NCOR1: variants seen among roughly 807,000 people sequenced by gnomAD.
The protein encoded by NCOR1 is nuclear receptor corepressor 1.
NCOR1 carries 63 observed loss-of-function variants against 288.1 expected under a neutral mutation model. That is an observed-to-expected ratio of 0.22 (90% confidence interval 0.18 to 0.27). The LOEUF (loss-of-function observed/expected upper bound fraction) is 0.27. Ranked by LOEUF, NCOR1 falls within the 10% of genes least tolerant of loss-of-function variation. NCOR1 has a pLI of 1.00. For missense variants in NCOR1, 2,397 were observed against 3,019.2 expected (o/e 0.79, Z 4.83); for synonymous variants, 1,007 against 1,065.9 (o/e 0.94, Z 1.08).
At chr17:16,045,118 A>G (rs980151222) in intron 42 of NCOR1, 7 of 247,056 alleles carry the variant, frequency 2.8e-5, no homozygotes, top group African/African-American at 1.6e-4. Context: ...CTGAGAGAAC[A>G]CGAGGAGGTT....
chr17:16,157,557 G>A (rs912205601), intron 6 of NCOR1, among the ~76,000 whole-genome samples: 2 of 151,604 alleles, frequency 1.3e-5, no homozygotes, highest in Admixed American at 6.6e-5. Context: ...ATTTCCTTTC[G>A]GCTGTGGACT....
At chr17:16,113,758 C>T (rs9905225) in intron 18 of NCOR1, among the ~76,000 whole-genome samples, 80,528 of 151,768 alleles carry the variant, frequency 0.53, 21,766 homozygotes, top group Middle Eastern at 0.62. Context: ...CTGGGCATAG[C>T]GGCGTGCGCC....
Position 16,064,913 on chromosome 17 carries a change from A to G in NCOR1, c.5058T>C (p.Ile1686=). 4 of 1,613,802 alleles carry G rather than the reference A, an allele frequency of 2.5e-6. No homozygotes were observed. Among genetic ancestry groups the G allele is most frequent in the Non-Finnish European group, 3.4e-6 (4 of 1,179,786 alleles). Residue 1686 remains isoleucine, a synonymous_variant, in exon 34 of 46, where the codon ATT becomes ATC. Coordinates refer to ENST00000268712, the MANE Select transcript of NCOR1 (RefSeq NM_006311.4). The stretch of plus-strand genomic sequence containing the variant: ...AGTTGTACGGCCTGGGAGGGAAAGT[A>G]ATCTGTGTACCAGGAATATAAGTGA... ...DRITYIPGTQ[I]TFPPRPYNSA...
chr17:16,151,727 G>A (rs1489681275), intron 8 of NCOR1: 3 of 1,100,008 alleles, frequency 2.7e-6, no homozygotes, highest in Non-Finnish European at 3.9e-6. Flanking sequence ...CTAGTTTTAT[G>A]CAATAATTTA....
At chr17:16,127,311 A>G (rs560845992) in intron 14 of NCOR1, among the ~76,000 whole-genome samples, 2,521 of 34,378 alleles carry the variant, frequency 0.073, 722 homozygotes, top group Middle Eastern at 0.23. Context: ...GTATATATAC[A>G]TGTATGTATA....
At chr17:16,081,214 G>GTT (rs66769265) in intron 23 of NCOR1, among the ~76,000 whole-genome samples, 137 of 136,376 alleles carry the variant, frequency 1.0e-3, no homozygotes, top group East Asian at 2.3e-3. Flanking sequence ...TTTTCTTTTT[G>GTT]TTTTTTTTTT....
chr17:16,144,829 C>T (rs553201121), intron 10 of NCOR1, among the ~76,000 whole-genome samples: 11 of 151,258 alleles, frequency 7.3e-5, no homozygotes, highest in African/African-American at 1.2e-4. Flanking sequence ...CCGCTTTCCA[C>T]GGTCTCCCTC....
At position 16,127,460 on chromosome 17, in the gene NCOR1, TAC is replaced by T. The variant is rs1235719255; in HGVS notation, c.1510-1256_1510-1255del. On this transcript the variant is annotated intron_variant, in intron 14 of 45. Coordinates refer to ENST00000268712, the MANE Select transcript of NCOR1 (RefSeq NM_006311.4). Reference sequence around the variant, plus strand: ...ATGTATATATGTGTATATGTATATATACGTGTATGTGTATATATACACGTGTG... The same window carrying T: ...ATGTATATATGTGTATATGTATATATGTGTATGTGTATATATACACGTGTG... 5.4e-5 allele frequency among the ~76,000 whole-genome samples: 8 copies of T among 147,696 alleles called. 2 individuals are homozygous for T. The highest frequency in any genetic ancestry group is 2.0e-4 in the African/African-American group (8 of 40,556).
intron 4 of NCOR1, among the ~76,000 whole-genome samples, chr17:16,167,187 T>C (rs1407004235): frequency 1.3e-5 from 2 of 152,166 alleles, no homozygotes; most frequent in South Asian, 4.1e-4. Flanking sequence ...ATATTACAAA[T>C]GAATATTTTC....
At chr17:16,119,373 C>T in intron 17 of NCOR1, 50 bp downstream of exon 17, 1 of 1,361,614 alleles carries the variant, frequency 7.3e-7, no homozygotes, top group Non-Finnish European at 1.0e-6. Context: ...TTACTAATAA[C>T]CCTAAAAAAC....
chr17:16,091,024 A>G (rs1027881884), intron 22 of NCOR1, among the ~76,000 whole-genome samples: 1 of 152,206 alleles, frequency 6.6e-6, no homozygotes, highest in Non-Finnish European at 1.5e-5. Context: ...CAATTCTTCT[A>G]ACCATGTCAG....
intron 24 of NCOR1, 31 bp from the exon 25 acceptor site, chr17:16,080,540 C>T: frequency 6.2e-7 from 1 of 1,613,982 alleles, no homozygotes; most frequent in African/African-American, 1.3e-5. Flanking sequence ...ATGAAACAAT[C>T]CAGTACTAAA....
intron 18 of NCOR1, among the ~76,000 whole-genome samples, chr17:16,111,383 C>CT (rs1181999841): frequency 6.6e-6 from 1 of 152,262 alleles, no homozygotes; most frequent in East Asian, 1.9e-4. Context: ...GGGCAGATAA[C>CT]TTGAGGCCAG....
intron 3 of NCOR1, among the ~76,000 whole-genome samples, chr17:16,181,782 G>C (rs956098969): frequency 6.6e-6 from 1 of 152,134 alleles, no homozygotes; most frequent in Admixed American, 6.6e-5. Flanking sequence ...GATATGGTCA[G>C]TACCAACTAG....
intron 9 of NCOR1, among the ~76,000 whole-genome samples, chr17:16,147,696 T>C (rs929267155): frequency 6.6e-5 from 10 of 152,192 alleles, no homozygotes; most frequent in African/African-American, 2.4e-4. Flanking sequence ...ATTACTCCTA[T>C]ATGTCTTCTG....
rs202003384 is a variant in NCOR1 at position 16,181,211 on chromosome 17, A to G, written c.242+5343T>C. The stretch of plus-strand genomic sequence containing the variant: ...TGTGTGTGTGTATACATATATATGT[A>G]TGTGTGTGTGTGTGTGTGTGTGTGT... On this transcript the variant is annotated intron_variant, in intron 3 of 45. Transcript: ENST00000268712. Among the ~76,000 whole-genome samples, 503 of 139,542 alleles carry G rather than the reference A, an allele frequency of 3.6e-3. 5 individuals are homozygous for G. Among genetic ancestry groups the G allele is most frequent in the East Asian group, 0.017 (76 of 4,462 alleles). 91.5% of individuals were successfully genotyped at this position (139,542 alleles called of 152,430 possible). A position where few individuals can be genotyped will look rare whatever the true frequency, so the allele number is the denominator to read the frequency against.
rs761714796 is a variant in NCOR1 at position 16,165,299 on chromosome 17, C to G, written c.436-138G>C. 278 of 623,600 alleles carry G rather than the reference C, an allele frequency of 4.5e-4. 1 individual carries two copies. The highest frequency in any genetic ancestry group is 5.3e-4 in the South Asian group (20 of 38,066). The allele number at this position is 623,600 out of a possible 1,614,324, so 38.6% of individuals were successfully genotyped here. A position where few individuals can be genotyped will look rare whatever the true frequency, so the allele number is the denominator to read the frequency against. The stretch of plus-strand genomic sequence containing the variant: ...TAATGAAACTTTTAGTAGTAACTTT[C>G]ATATTCACATACATGCAAATTCTCA... On this transcript the variant is annotated intron_variant, in intron 4 of 45. Coordinates refer to ENST00000268712, the MANE Select transcript of NCOR1 (RefSeq NM_006311.4).
intron 3 of NCOR1, among the ~76,000 whole-genome samples, chr17:16,173,919 G>A (rs779884154): frequency 2.0e-5 from 3 of 150,380 alleles, no homozygotes; most frequent in Admixed American, 6.6e-5. Flanking sequence ...CAACAAGAGC[G>A]AAACTCCATC....
In NCOR1 at chr17:16,114,408, C is replaced by A. The variant is rs528529896; in HGVS notation, c.2055+3480G>T. Among the ~76,000 whole-genome samples, 536 of 152,200 alleles carry A rather than the reference C, an allele frequency of 3.5e-3. 1 individual carries two copies. The highest frequency in any genetic ancestry group is 4.0e-3 in the Non-Finnish European group (274 of 68,004). ...CATCTCATGTCTTCACATTTCAAAA[C>A]CAATCATGCCTTCCCAACAGTCCTC... On this transcript the variant is annotated intron_variant, in intron 18 of 45. Coordinates refer to ENST00000268712, the MANE Select transcript of NCOR1 (RefSeq NM_006311.4).
Sources: gnomAD v4.1 joint callset for allele counts (sites outside exome capture counted in the v4.1 genomes callset) on GRCh38, gnomAD v4.1.1 for gene constraint, MANE v1.5 for transcripts, NCBI Gene and HGNC (gene_info 2026-07-23, HGNC 2026-07-21) for gene names.